Variants in DDX50 observed in about 807,000 individuals in gnomAD.
The protein encoded by DDX50 is DExD-box helicase 50, also known as ATP-dependent RNA helicase DDX50.
Under a neutral mutation model 94.8 loss-of-function variants are expected in DDX50, and 56 were observed. The observed-to-expected ratio is 0.59, with a 90% confidence interval of 0.48 to 0.74. The LOEUF (loss-of-function observed/expected upper bound fraction) is 0.74. Ranked by LOEUF, DDX50 falls within the 30% of genes least tolerant of loss-of-function variation. The pLI, the probability that DDX50 is intolerant of heterozygous loss-of-function variation, is 0.00. For synonymous variants in DDX50, 264 were observed against 295.4 expected, an observed-to-expected ratio of 0.89 and a Z score of 1.09; for missense variants, 713 against 881.2, an observed-to-expected ratio of 0.81 and a Z score of 2.42.
chr10:68,945,163 T>C (rs556296905), intron 14 of DDX50, among the ~76,000 whole-genome samples: 47 of 152,306 alleles, frequency 3.1e-4, no homozygotes, highest in Non-Finnish European at 6.5e-4. Context: ...TTAAATGTGA[T>C]TGCTTGGCCA....
chr10:68,923,357 C>G (rs1841993629), intron 8 of DDX50, among the ~76,000 whole-genome samples: 1 of 149,810 alleles, frequency 6.7e-6, no homozygotes. Context: ...ACCACAGGTG[C>G]ATGCTACCAT....
intron 1 of DDX50, among the ~76,000 whole-genome samples, chr10:68,904,016 C>G (rs1291284397): frequency 6.9e-6 from 1 of 144,610 alleles, no homozygotes; most frequent in East Asian, 2.1e-4. Context: ...TGGTGGCAGA[C>G]GCCTGTAATC....
chr10:68,933,132 G>T (rs868058412), intron 8 of DDX50, among the ~76,000 whole-genome samples: 2 of 150,066 alleles, frequency 1.3e-5, no homozygotes, highest in Non-Finnish European at 2.9e-5. Context: ...GCAATGGCAC[G>T]ATCTCAGCTC....
intron 12 of DDX50, among the ~76,000 whole-genome samples, chr10:68,937,584 G>GTTTTTTT: frequency 8.3e-6 from 1 of 120,808 alleles, no homozygotes; most frequent in Non-Finnish European, 1.7e-5. Context: ...AACTTTATAA[G>GTTTTTTT]TTTTTTTTTT....
chr10:68,910,192 A>G, intron 2 of DDX50, 115 bp from the exon 3 acceptor site: 1 of 962,200 alleles, frequency 1.0e-6, no homozygotes, highest in Non-Finnish European at 1.6e-6. Flanking sequence ...GTTTCAAAAA[A>G]AAAAAAAAAG....
At chr10:68,910,202 G>C (rs1841584859) in intron 2 of DDX50, 105 bp from the exon 3 acceptor site, 1 of 864,702 alleles carries the variant, frequency 1.2e-6, no homozygotes, top group Non-Finnish European at 1.8e-6. Context: ...AAAAAAAAAA[G>C]TGTTCCACTA....
intron 8 of DDX50, among the ~76,000 whole-genome samples, chr10:68,929,005 G>T (rs543142360): frequency 3.8e-4 from 57 of 151,910 alleles, no homozygotes; most frequent in Admixed American, 1.6e-3. Flanking sequence ...CTGGAGTGCA[G>T]TGGCGCGATC....
At chr10:68,908,779 C>T (rs1564600653) in intron 2 of DDX50, among the ~76,000 whole-genome samples, 4 of 151,614 alleles carry the variant, frequency 2.6e-5, no homozygotes, top group African/African-American at 9.7e-5. Flanking sequence ...GTAGCTGGGA[C>T]TATAGGCGTG....
At position 68,901,335 on chromosome 10, in the gene DDX50, C is replaced by T. The variant is rs755065803; in HGVS notation, c.-50C>T. On this transcript the variant is annotated 5_prime_UTR_variant, in exon 1 of 15. Coordinates refer to ENST00000373585, the MANE Select transcript of DDX50 (RefSeq NM_024045.2). ...CGCTTCCTTTCACGCTGTCGCTGCC[C>T]GTAGGTGGTTGTGGCCACTGTGCCC... 1.0e-5 allele frequency: 15 copies of T among 1,473,878 alleles called. No homozygotes were observed. The highest frequency in any genetic ancestry group is 4.3e-5 in the African/African-American group (3 of 69,828). The allele number at this position is 1,473,878 out of a possible 1,614,324, so 91.3% of individuals were successfully genotyped here. A position where few individuals can be genotyped will look rare whatever the true frequency, so the allele number is the denominator to read the frequency against.
intron 12 of DDX50, 150 bp from the exon 13 acceptor site, chr10:68,940,910 A>T: frequency 2.5e-6 from 2 of 804,520 alleles, no homozygotes; most frequent in Non-Finnish European, 3.8e-6. Context: ...TTCTTCTAAT[A>T]ATGTAGTTTC....
chr10:68,905,870 G>A (rs1475876562), intron 1 of DDX50, among the ~76,000 whole-genome samples: 1 of 152,124 alleles, frequency 6.6e-6, no homozygotes, highest in Admixed American at 6.6e-5. Flanking sequence ...CCAAGATTGC[G>A]CCACTGCACT....
intron 13 of DDX50, 42 bp from the exon 14 acceptor site, chr10:68,943,169 CAT>C: frequency 1.3e-6 from 2 of 1,584,034 alleles, no homozygotes; most frequent in Non-Finnish European, 1.7e-6. Flanking sequence ...AAAATCTACA[CAT>C]ATGCATCTAA....
chr10:68,904,369 G>A (rs754904295), intron 1 of DDX50, among the ~76,000 whole-genome samples: 9 of 152,098 alleles, frequency 5.9e-5, no homozygotes, highest in African/African-American at 1.4e-4. Flanking sequence ...ACTTTGGTTC[G>A]GACGTGTTGA....
chr10:68,918,850 G>C (rs558352266), intron 7 of DDX50, among the ~76,000 whole-genome samples: 1 of 152,204 alleles, frequency 6.6e-6, no homozygotes, highest in Non-Finnish European at 1.5e-5. Context: ...GTCAGTGATG[G>C]ACCATATATA....
intron 4 of DDX50, among the ~76,000 whole-genome samples, chr10:68,912,809 C>T (rs1427726829): frequency 1.3e-5 from 2 of 152,202 alleles, no homozygotes; most frequent in African/African-American, 4.8e-5. Flanking sequence ...CCCAACCTGA[C>T]ATAAATTCCT....
chr10:68,934,965 T>A lies in DDX50; in HGVS notation c.1521+47T>A. The A allele has an allele frequency of 6.3e-7, 1 of 1,575,048 alleles. No homozygotes were observed. Among genetic ancestry groups the A allele is most frequent in the Non-Finnish European group, 8.6e-7 (1 of 1,162,142 alleles). ...CAGGCTTATTGTCTAAATGGTGCCT[T>A]AAAAGAGAGCTCTTCTTATATTTAT... On this transcript the variant is annotated intron_variant, in intron 10 of 14. Coordinates refer to ENST00000373585, the MANE Select transcript of DDX50 (RefSeq NM_024045.2). The surrounding 1 kb of genome is among the most constrained non-coding windows in gnomAD (Gnocchi z 4.0).
At chr10:68,937,540 T>C (rs73268378) in intron 12 of DDX50, among the ~76,000 whole-genome samples, 9,722 of 151,746 alleles carry the variant, frequency 0.064, 1,012 homozygotes, top group African/African-American at 0.22. Context: ...TTCTTTGTTT[T>C]AGGAACCATT....
At position 68,907,142 on chromosome 10, in the gene DDX50, G is replaced by A. The variant is rs189579921; in HGVS notation, c.384+135G>A. On this transcript the variant is annotated intron_variant, in intron 2 of 14. Transcript: ENST00000373585. ...AGTATTCTTAGTTGCACTAGAGTCT[G>A]TACAGGTGAAGCCTGAGCCTTTTTT... The A allele has an allele frequency of 5.7e-5, 50 of 872,830 alleles. No individual in the cohort carries two copies. In the East Asian group the frequency reaches 1.4e-3, roughly 24 times the overall value. The allele number at this position is 872,830 out of a possible 1,614,324, so 54.1% of individuals were successfully genotyped here.
chr10:68,913,088 A>G, intron 4 of DDX50, 74 bp from the exon 5 acceptor site: 2 of 1,266,974 alleles, frequency 1.6e-6, no homozygotes, highest in Non-Finnish European at 2.2e-6. Context: ...ATGCACCTAA[A>G]AAAAGTCTTC....
Sources: allele counts gnomAD v4.1 joint callset (sites outside exome capture counted in the v4.1 genomes callset), GRCh38; gene constraint gnomAD v4.1.1; non-coding constraint Gnocchi (gnomAD v3.1); transcripts MANE v1.5; gene names NCBI Gene and HGNC (gene_info 2026-07-23, HGNC 2026-07-21).